The following CLNK variants were observed in gnomAD, a reference collection of about 807,000 sequenced individuals.
CLNK encodes the protein cytokine-dependent hematopoietic cell linker.
In CLNK, 74 loss-of-function variants were observed where a neutral mutation model predicts 68.6. That is an observed-to-expected ratio of 1.08 (90% CI 0.89 to 1.31). CLNK has a LOEUF of 1.31. Ranked by LOEUF, CLNK falls within the 50% of genes most tolerant of loss-of-function variation. The pLI is 0.00. For synonymous variants in CLNK, 198 were observed against 172.2 expected, an observed-to-expected ratio of 1.15 and a Z score of -1.17; for missense variants, 553 against 515.3, an observed-to-expected ratio of 1.07 and a Z score of -0.71.
chr4:10,508,846 T>C (rs59465583), intron 16 of CLNK, among the ~76,000 whole-genome samples: 32,077 of 151,900 alleles, frequency 0.21, 3,499 homozygotes, highest in East Asian at 0.36. Context: ...GGTGGCTCAA[T>C]GCCTGTAATC....
chr4:10,691,344 C>A, the CLNK span, among the ~76,000 whole-genome samples: 17 of 152,028 alleles, frequency 1.1e-4, no homozygotes, highest in Non-Finnish European at 2.4e-4. Context: ...TATCACCCAG[C>A]AATAGTTGAA....
intron 2 of CLNK, among the ~76,000 whole-genome samples, chr4:10,601,980 C>G (rs991600309): frequency 2.6e-5 from 4 of 152,186 alleles, no homozygotes; most frequent in Non-Finnish European, 5.9e-5. Flanking sequence ...GTGGGCCAAC[C>G]AAATAATTGT....
chr4:10,676,858 T>C (rs1213059097), intron 1 of CLNK, among the ~76,000 whole-genome samples: 1 of 152,108 alleles, frequency 6.6e-6, no homozygotes, highest in Non-Finnish European at 1.5e-5. Context: ...TCTGCTCTTA[T>C]TATTAAAGTG....
chr4:10,588,752 C>G (rs1721075409), intron 3 of CLNK, among the ~76,000 whole-genome samples: 1 of 151,994 alleles, frequency 6.6e-6, no homozygotes, highest in Non-Finnish European at 1.5e-5. Context: ...CATGATACTA[C>G]TTTTATGATA....
chr4:10,673,831 C>T (rs945765965), intron 1 of CLNK, among the ~76,000 whole-genome samples: 1 of 151,616 alleles, frequency 6.6e-6, no homozygotes, highest in Non-Finnish European at 1.5e-5. Flanking sequence ...ACAGGTCTTA[C>T]TTCAAGATCT....
chr4:10,533,652 A>G (rs1718637147), intron 11 of CLNK, among the ~76,000 whole-genome samples: 1 of 152,220 alleles, frequency 6.6e-6, no homozygotes, highest in Non-Finnish European at 1.5e-5. Context: ...AGAGATCTGA[A>G]TAGAGGTAAT....
chr4:10,567,763 G>T (rs541130881), intron 5 of CLNK, among the ~76,000 whole-genome samples: 1 of 152,148 alleles, frequency 6.6e-6, no homozygotes, highest in Non-Finnish European at 1.5e-5. Context: ...GTGGGAAAAG[G>T]ATATGAATGG....
chr4:10,550,402 G>A (rs938562390), intron 8 of CLNK, among the ~76,000 whole-genome samples: 13 of 152,180 alleles, frequency 8.5e-5, no homozygotes, highest in African/African-American at 3.1e-4. Context: ...GGCTGAGGCA[G>A]GAGAATGGTG....
chr4:10,555,149 C>A (rs1324695531), intron 8 of CLNK, among the ~76,000 whole-genome samples: 1 of 152,186 alleles, frequency 6.6e-6, no homozygotes, highest in Non-Finnish European at 1.5e-5. Context: ...TTCTACTTTG[C>A]TTCTTTTCAA....
At chr4:10,508,106 AAAATT>A in intron 16 of CLNK, 70 bp from the exon 17 acceptor site, 1 of 1,256,496 alleles carries the variant, frequency 8.0e-7, no homozygotes, top group Non-Finnish European at 1.1e-6. Context: ...TAATTAATTC[AAAATT>A]TACTTTTGCT....
intron 1 of CLNK, among the ~76,000 whole-genome samples, chr4:10,673,504 T>C (rs1225835111): frequency 2.0e-5 from 3 of 152,170 alleles, no homozygotes. Context: ...AAGGATGAGT[T>C]CATGTCCTTT....
chr4:10,608,228 T>C (rs1464172876), intron 2 of CLNK, among the ~76,000 whole-genome samples: 1 of 152,220 alleles, frequency 6.6e-6, no homozygotes, highest in East Asian at 1.9e-4. Context: ...TTTCAACTCT[T>C]CAATTTTGTT....
chr4:10,637,776 G>A (rs959391214), intron 2 of CLNK, among the ~76,000 whole-genome samples: 1 of 135,392 alleles, frequency 7.4e-6, no homozygotes, highest in African/African-American at 2.8e-5. Context: ...TTTTTTTTTT[G>A]TAGTTTTAGT....
chr4:10,590,507 G>C (rs1390429106), intron 3 of CLNK, among the ~76,000 whole-genome samples: 1 of 152,116 alleles, frequency 6.6e-6, no homozygotes, highest in African/African-American at 2.4e-5. Context: ...GTTCTCCCCA[G>C]GCACCGACTG....
chr4:10,626,095 C>T (rs1046289665), intron 2 of CLNK, among the ~76,000 whole-genome samples: 13 of 152,212 alleles, frequency 8.5e-5, no homozygotes, highest in African/African-American at 3.1e-4. Context: ...GGCTTCAAAC[C>T]CAGGTCTCCC....
intron 2 of CLNK, among the ~76,000 whole-genome samples, chr4:10,605,379 T>G (rs959489710): frequency 6.6e-6 from 1 of 152,042 alleles, no homozygotes; most frequent in African/African-American, 2.4e-5. Flanking sequence ...CACACCCAGG[T>G]GATACGGTAT....
At chr4:10,512,251 G>GA (rs1491114422) in intron 16 of CLNK, among the ~76,000 whole-genome samples, 2 of 147,314 alleles carry the variant, frequency 1.4e-5, no homozygotes, top group Non-Finnish European at 3.0e-5. Context: ...TTTTTTTTGT[G>GA]ATGAAGTCTA....
chr4:10,711,974 G>A, the CLNK span, among the ~76,000 whole-genome samples: 10,005 of 152,104 alleles, frequency 0.066, 442 homozygotes, highest in East Asian at 0.1. Context: ...TGGGGCACCG[G>A]GAGACAATGG....
chr4:10,499,831 C>A (rs1227317609), intron 18 of CLNK, among the ~76,000 whole-genome samples: 1 of 152,114 alleles, frequency 6.6e-6, no homozygotes, highest in African/African-American at 2.4e-5. Context: ...ACATGGTCGC[C>A]CCTCTGTGTG....
Sources: allele counts gnomAD v4.1 joint callset (sites outside exome capture counted in the v4.1 genomes callset), GRCh38; gene constraint gnomAD v4.1.1; transcripts MANE v1.5; gene names NCBI Gene and HGNC (gene_info 2026-07-23, HGNC 2026-07-21).